Variants in KAZN observed in about 807,000 individuals in gnomAD.
KAZN encodes the protein kazrin.
In KAZN, 40 loss-of-function variants were observed where a neutral mutation model predicts 87.4. The observed-to-expected ratio is 0.46, with a 90% CI of 0.36 to 0.60. The LOEUF is 0.60. Ranked by LOEUF, KAZN falls within the 20% of genes least tolerant of loss-of-function variation. The pLI, the probability that KAZN is intolerant of heterozygous loss-of-function variation, is 0.00. For missense variants in KAZN, 898 were observed against 1,073.9 expected, an observed-to-expected ratio of 0.84 and a Z score of 2.29; for synonymous variants, 466 against 458.3, an observed-to-expected ratio of 1.02 and a Z score of -0.22.
At chr1:14,870,826 A>G (rs1352270428) in intron 1 of KAZN, among the ~76,000 whole-genome samples, 2 of 152,156 alleles carry the variant, frequency 1.3e-5, no homozygotes, top group African/African-American at 2.4e-5. Flanking sequence ...TCATTATTAC[A>G]TATATGAATC....
intron 2 of KAZN, among the ~76,000 whole-genome samples, chr1:14,236,473 G>C (rs1438595560): frequency 6.6e-6 from 1 of 152,146 alleles, no homozygotes; most frequent in Non-Finnish European, 1.5e-5. Flanking sequence ...GCCTGGCCGG[G>C]GCTTCCCTCA....
intron 1 of KAZN, among the ~76,000 whole-genome samples, chr1:14,643,560 G>T (rs920236805): frequency 1.3e-5 from 2 of 152,178 alleles, no homozygotes; most frequent in Non-Finnish European, 2.9e-5. Flanking sequence ...TCTTTATCCA[G>T]TCTGTCAATG....
chr1:14,901,766 G>T (rs945296954), intron 1 of KAZN, among the ~76,000 whole-genome samples: 1 of 152,210 alleles, frequency 6.6e-6, no homozygotes, highest in African/African-American at 2.4e-5. Context: ...CAAGGTCAAG[G>T]TTCAAAGGGT....
At chr1:14,253,416 T>C in intron 2 of KAZN, among the ~76,000 whole-genome samples, 1 of 152,222 alleles carries the variant, frequency 6.6e-6, no homozygotes, top group East Asian at 1.9e-4. Context: ...CATAAGGTAA[T>C]AGCTATTTCT....
intron 2 of KAZN, among the ~76,000 whole-genome samples, chr1:14,233,592 C>G (rs1004274922): frequency 1.3e-5 from 2 of 152,192 alleles, no homozygotes; most frequent in African/African-American, 2.4e-5. Flanking sequence ...TCAGCTGACT[C>G]TCTGCTTTCA....
At chr1:14,087,972 T>C (rs1248960641) in intron 1 of KAZN, among the ~76,000 whole-genome samples, 1 of 151,138 alleles carries the variant, frequency 6.6e-6, no homozygotes, top group East Asian at 1.9e-4. Flanking sequence ...ATAAACTGAG[T>C]TGGGAAGTGT....
intron 1 of KAZN, among the ~76,000 whole-genome samples, chr1:13,895,608 G>A (rs1473621185): frequency 2.0e-5 from 3 of 152,174 alleles, no homozygotes; most frequent in Non-Finnish European, 4.4e-5. Context: ...ACGCGAAAGG[G>A]ATGGAGACCA....
At chr1:14,541,620 G>C (rs1672816933) in intron 2 of KAZN, among the ~76,000 whole-genome samples, 1 of 152,176 alleles carries the variant, frequency 6.6e-6, no homozygotes, top group South Asian at 2.1e-4. Flanking sequence ...GATTTGCTCT[G>C]GGGAGGGCTT....
At chr1:14,993,944 G>A (rs2101969603) in intron 2 of KAZN, among the ~76,000 whole-genome samples, 1 of 152,356 alleles carries the variant, frequency 6.6e-6, no homozygotes, top group South Asian at 2.1e-4. Flanking sequence ...GCTTGTGGAA[G>A]GGAGATTACG....
intron 1 of KAZN, among the ~76,000 whole-genome samples, chr1:14,109,035 C>A (rs980013202): frequency 6.6e-6 from 1 of 152,180 alleles, no homozygotes; most frequent in African/African-American, 2.4e-5. Flanking sequence ...GCCGAGCTCG[C>A]ATCTGTGAAT....
chr1:14,049,032 A>G (rs1642195095), intron 1 of KAZN, among the ~76,000 whole-genome samples: 1 of 152,188 alleles, frequency 6.6e-6, no homozygotes, highest in Non-Finnish European at 1.5e-5. Flanking sequence ...TTATTGCAGC[A>G]CTATTCACAA....
intron 1 of KAZN, among the ~76,000 whole-genome samples, chr1:14,109,758 G>A (rs1384015038): frequency 7.7e-6 from 1 of 130,422 alleles, no homozygotes; most frequent in African/African-American, 3.0e-5. Flanking sequence ...ATTCCATTCA[G>A]CTTAAACTCT....
intron 2 of KAZN, among the ~76,000 whole-genome samples, chr1:14,190,392 G>C (rs1336058536): frequency 6.6e-6 from 1 of 152,072 alleles, no homozygotes; most frequent in Non-Finnish European, 1.5e-5. Flanking sequence ...TATTTTACAG[G>C]TGAGGAAACT....
intron 1 of KAZN, among the ~76,000 whole-genome samples, chr1:13,944,098 A>T (rs1641044046): frequency 6.6e-6 from 1 of 152,248 alleles, no homozygotes; most frequent in Non-Finnish European, 1.5e-5. Context: ...CTTGTTTATA[A>T]TAGCCCCAAA....
chr1:14,548,019 A>T (rs1435378437), intron 2 of KAZN, among the ~76,000 whole-genome samples: 2 of 149,870 alleles, frequency 1.3e-5, no homozygotes, highest in Non-Finnish European at 3.0e-5. Flanking sequence ...AAATACACTA[A>T]TGATAGGTGA....
rs750837310 is a variant in KAZN, at chr1:14,599,183, G to A, written c.186G>A (p.Ser62=). The A allele has an allele frequency of 2.2e-6, 3 of 1,387,812 alleles. No individual in the cohort carries two copies. The highest frequency in any genetic ancestry group is 3.0e-5 in the African/African-American group (2 of 66,172). The allele number at this position is 1,387,812 out of a possible 1,614,324, so 86.0% of individuals were successfully genotyped here. Residue 62 remains serine, a synonymous_variant, in exon 1 of 15, where the codon TCG becomes TCA. Transcript: ENST00000376030. This position sits in a 1 kb window ranked among gnomAD's most constrained non-coding sequence, Gnocchi z 4.4. ...AAASASAAGD[S]AATNMENPQL... ...CCAGCGCCTCGGCGGCGGGGGACTCGGCGGCGACGAACATGGAGAACCCCC... is the reference window on the plus strand; with the variant it reads ...CCAGCGCCTCGGCGGCGGGGGACTCAGCGGCGACGAACATGGAGAACCCCC...
At chr1:14,717,178 C>G (rs945261213) in intron 1 of KAZN, among the ~76,000 whole-genome samples, 3 of 151,512 alleles carry the variant, frequency 2.0e-5, no homozygotes, top group South Asian at 2.1e-4. Flanking sequence ...ACCTCCCACT[C>G]CCCCCTACTC....
intron 1 of KAZN, among the ~76,000 whole-genome samples, chr1:14,004,100 C>T (rs115657327): frequency 0.02 from 2,302 of 116,240 alleles, 57 homozygotes; most frequent in African/African-American, 0.062. Context: ...GATATCTAAA[C>T]TGCCCAAAAA....
intron 2 of KAZN, among the ~76,000 whole-genome samples, chr1:15,001,575 ACACAGAGCACTTTC>A (rs1390810607): frequency 1.3e-5 from 2 of 152,112 alleles, no homozygotes; most frequent in East Asian, 3.9e-4. Context: ...TGAGCAGTGC[ACACAGAGCACTTTC>A]CACAGAGCCT....
Sources: gnomAD v4.1 joint callset for allele counts (sites outside exome capture counted in the v4.1 genomes callset) on GRCh38, gnomAD v4.1.1 for gene constraint, Gnocchi (gnomAD v3.1) non-coding constraint, MANE v1.5 for transcripts, NCBI Gene and HGNC (gene_info 2026-07-23, HGNC 2026-07-21) for gene names.